The following FERMT2 variants were observed in gnomAD, a reference collection of about 807,000 sequenced individuals.
The protein encoded by FERMT2 is FERM domain containing kindlin 2, also known as fermitin family homolog 2.
In FERMT2, 15 loss-of-function variants were observed where a neutral mutation model predicts 82.7. That is an observed-to-expected ratio of 0.18 (90% confidence interval 0.12 to 0.28). FERMT2 has a LOEUF of 0.28. Ranked by LOEUF, FERMT2 falls within the 10% of genes least tolerant of loss-of-function variation. The probability of loss-of-function intolerance (pLI) is 1.00; values close to 1 mark genes in which losing one functional copy is unlikely to be tolerated. For synonymous variants in FERMT2, 274 were observed against 271.5 expected, an observed-to-expected ratio of 1.01 and a Z score of -0.09; for missense variants, 645 against 809.4, an observed-to-expected ratio of 0.80 and a Z score of 2.46.
At chr14:52,874,727 G>C (rs7160582) in intron 8 of FERMT2, among the ~76,000 whole-genome samples, 1 of 152,038 alleles carries the variant, frequency 6.6e-6, no homozygotes, top group African/African-American at 2.4e-5. Flanking sequence ...ACTTGTAAAA[G>C]AATTTGCAGA....
intron 2 of FERMT2, among the ~76,000 whole-genome samples, chr14:52,934,689 T>C (rs1030720087): frequency 5.3e-5 from 8 of 152,250 alleles, no homozygotes; most frequent in Non-Finnish European, 7.3e-5. Flanking sequence ...TTTCAAATGG[T>C]GAAAGCATCC....
At chr14:52,896,053 T>C (rs1234633028) in intron 3 of FERMT2, among the ~76,000 whole-genome samples, 1 of 152,198 alleles carries the variant, frequency 6.6e-6, no homozygotes, top group Admixed American at 6.5e-5. Context: ...TGCACTTATT[T>C]TTAAAATGTA....
intron 2 of FERMT2, among the ~76,000 whole-genome samples, chr14:52,931,615 AG>A (rs1458243540): frequency 6.6e-6 from 1 of 152,234 alleles, no homozygotes; most frequent in Non-Finnish European, 1.5e-5. Context: ...GAAGGTGAAG[AG>A]GGGAAGCTAG....
intron 4 of FERMT2, among the ~76,000 whole-genome samples, chr14:52,886,862 C>T (rs1011253199): frequency 6.6e-6 from 1 of 152,090 alleles, no homozygotes; most frequent in East Asian, 1.9e-4. Context: ...AAGGAACTCA[C>T]CTTAATTTTA....
In FERMT2 at chr14:52,875,267, C is replaced by A; in HGVS notation, c.1054G>T (p.Asp352Tyr). The change falls in exon 8 of 15, where the codon GAC (aspartate) becomes TAC (tyrosine). Residue 352 changes from aspartate to tyrosine, a missense_variant. Transcript: ENST00000341590. ...EVDEVDAALS[D>Y]LEITLEGGKT... is the part of the protein sequence containing the mutation. ...CCCCCTTCCAGAGTAATCTCCAGGT[C>A]TGAAAGGGCAGCATCAACTTCATCA... 1 of 1,613,310 alleles carries A rather than the reference C, an allele frequency of 6.2e-7. No homozygotes were observed. Among genetic ancestry groups the A allele is most frequent in the East Asian group, 2.2e-5 (1 of 44,848 alleles).
chr14:52,878,355 C>T (rs1886092878), intron 7 of FERMT2, among the ~76,000 whole-genome samples: 1 of 151,900 alleles, frequency 6.6e-6, no homozygotes, highest in Non-Finnish European at 1.5e-5. Flanking sequence ...TAATTTTTTT[C>T]CTACAAAATA....
chr14:52,904,585 C>T (rs1358292746), intron 3 of FERMT2, among the ~76,000 whole-genome samples: 4 of 151,368 alleles, frequency 2.6e-5, no homozygotes, highest in Admixed American at 2.0e-4. Flanking sequence ...CCCAGCTACT[C>T]GGGAGGCTGA....
rs146837268 is a variant in FERMT2 at position 52,931,264 on chromosome 14, A to G, written c.158-11908T>C. 6.1e-3 allele frequency among the ~76,000 whole-genome samples: 929 copies of G among 152,344 alleles called. 8 individuals carry two copies. Among genetic ancestry groups the G allele is most frequent in the African/African-American group, 0.022 (911 of 41,574 alleles). ...CAGACAAGTAAAATGAGCTAAAAAT[A>G]TAAAAGAACAAAATGTCACAGAGGC... On this transcript the variant is annotated intron_variant, in intron 2 of 14. Transcript: ENST00000341590.
chr14:52,922,810 C>CT (rs1339500943), intron 2 of FERMT2, among the ~76,000 whole-genome samples: 5 of 152,236 alleles, frequency 3.3e-5, no homozygotes. Context: ...ATCCTGCCTT[C>CT]TGCCTTTTTA....
intron 3 of FERMT2, among the ~76,000 whole-genome samples, chr14:52,909,280 G>A (rs975018026): frequency 2.0e-5 from 3 of 152,064 alleles, no homozygotes; most frequent in Non-Finnish European, 4.4e-5. Flanking sequence ...TTTCAGATGA[G>A]GGCTACTCAA....
intron 8 of FERMT2, among the ~76,000 whole-genome samples, chr14:52,874,858 T>A (rs1004713409): frequency 2.4e-4 from 37 of 152,102 alleles, no homozygotes; most frequent in African/African-American, 8.0e-4. Context: ...GAGTTTGAGA[T>A]CAGACTAGAC....
chr14:52,892,157 C>CTGTTTTT (rs775045633), intron 4 of FERMT2, among the ~76,000 whole-genome samples: 4 of 110,224 alleles, frequency 3.6e-5, no homozygotes, highest in East Asian at 2.8e-4. Flanking sequence ...AGAGAGAAGG[C>CTGTTTTT]TGTTTTTTGT....
intron 2 of FERMT2, among the ~76,000 whole-genome samples, chr14:52,935,320 C>G (rs1889785577): frequency 6.6e-6 from 1 of 152,170 alleles, no homozygotes; most frequent in Non-Finnish European, 1.5e-5. Context: ...TACATTAAGG[C>G]TCCAATGGCT....
At chr14:52,893,898 G>A (rs575116802) in intron 3 of FERMT2, among the ~76,000 whole-genome samples, 5 of 150,832 alleles carry the variant, frequency 3.3e-5, no homozygotes, top group African/African-American at 4.9e-5. Flanking sequence ...GAGCAATCTC[G>A]GCTCGCCACA....
chr14:52,887,736 C>T (rs1886697104), intron 4 of FERMT2, among the ~76,000 whole-genome samples: 1 of 152,006 alleles, frequency 6.6e-6, no homozygotes, highest in African/African-American at 2.4e-5. Flanking sequence ...TCTAGCTCTG[C>T]TCCTTATTAC....
chr14:52,925,576 A>G, intron 2 of FERMT2, among the ~76,000 whole-genome samples: 1 of 151,816 alleles, frequency 6.6e-6, no homozygotes, highest in Admixed American at 6.6e-5. Flanking sequence ...AAAAAAAAAA[A>G]AAGCACTTAA....
chr14:52,901,944 A>T (rs1165819091), intron 3 of FERMT2, among the ~76,000 whole-genome samples: 2 of 152,188 alleles, frequency 1.3e-5, no homozygotes, highest in Non-Finnish European at 2.9e-5. Flanking sequence ...ACACCAACAA[A>T]CCTTCTAACA....
At chr14:52,880,030 G>A (rs554321199) in intron 6 of FERMT2, among the ~76,000 whole-genome samples, 101 of 152,318 alleles carry the variant, frequency 6.6e-4, no homozygotes, top group African/African-American at 2.3e-3. Flanking sequence ...GGAGGCTGAG[G>A]CAGGAGGATG....
At chr14:52,901,189 G>C (rs1887615972) in intron 3 of FERMT2, among the ~76,000 whole-genome samples, 1 of 146,964 alleles carries the variant, frequency 6.8e-6, no homozygotes, top group Non-Finnish European at 1.5e-5. Flanking sequence ...GCTGAGGCAG[G>C]AGAATGGCTT....
Sources: gnomAD v4.1 joint callset for allele counts (sites outside exome capture counted in the v4.1 genomes callset) on GRCh38, gnomAD v4.1.1 for gene constraint, MANE v1.5 for transcripts, NCBI Gene and HGNC (gene_info 2026-07-23, HGNC 2026-07-21) for gene names.